Variants in ANKFN1 observed in about 807,000 individuals in gnomAD.
ANKFN1 encodes the protein ankyrin repeat and fibronectin type-III domain-containing protein 1.
ANKFN1 carries 74 observed loss-of-function variants against 108.7 expected under a neutral mutation model. That is an observed-to-expected ratio of 0.68 (90% confidence interval 0.56 to 0.83). The LOEUF is 0.83. Among genes scored for constraint, ANKFN1 ranks in the 40% least tolerant of loss-of-function variants. The probability of loss-of-function intolerance (pLI) is 0.00; values close to 1 mark genes in which losing one functional copy is unlikely to be tolerated. For synonymous variants in ANKFN1, 547 were observed against 516.2 expected (o/e 1.06, Z -0.81); for missense variants, 1,505 against 1,382.3 (o/e 1.09, Z -1.41).
At chr17:56,054,781 GA>G (rs1274927587) in intron 4 of ANKFN1, among the ~76,000 whole-genome samples, 1 of 152,142 alleles carries the variant, frequency 6.6e-6, no homozygotes, top group African/African-American at 2.4e-5. Flanking sequence ...GGCTACTCAG[GA>G]GGCTGAGGTG....
chr17:56,053,607 A>G (rs1360049707), intron 4 of ANKFN1, among the ~76,000 whole-genome samples: 2 of 152,348 alleles, frequency 1.3e-5, no homozygotes, highest in South Asian at 2.1e-4. Flanking sequence ...CAGAGCTGCA[A>G]AAAACATGGG....
Position 56,273,587 on chromosome 17 carries a change from A to G in ANKFN1, c.53+45630A>G, listed in dbSNP as rs181824607. Among the ~76,000 whole-genome samples, 365 of 152,324 alleles carry G rather than the reference A, an allele frequency of 2.4e-3. 1 individual carries two copies. The highest frequency in any genetic ancestry group is 8.2e-3 in the African/African-American group (342 of 41,572). On this transcript the variant is annotated intron_variant, in intron 3 of 20. Coordinates refer to ENST00000682825, the MANE Select transcript of ANKFN1 (RefSeq NM_001370326.1). ...CTTATTTTTATTCACATATGTAATTAGTGCATTTTTAAATGTTACTAACTG... is the reference window on the plus strand; with the variant it reads ...CTTATTTTTATTCACATATGTAATTGGTGCATTTTTAAATGTTACTAACTG...
intron 10 of ANKFN1, among the ~76,000 whole-genome samples, chr17:56,448,866 C>CA (rs1176845634): frequency 6.6e-6 from 1 of 152,164 alleles, no homozygotes; most frequent in African/African-American, 2.4e-5. Flanking sequence ...GACTGCCCGA[C>CA]ACAAGAAACC....
intron 4 of ANKFN1, among the ~76,000 whole-genome samples, chr17:56,121,262 A>G (rs1369617089): frequency 6.6e-6 from 1 of 151,316 alleles, no homozygotes; most frequent in African/African-American, 2.4e-5. Flanking sequence ...TCCTTTGCTC[A>G]TATAGTTTCA....
intron 8 of ANKFN1, among the ~76,000 whole-genome samples, chr17:56,415,952 G>A (rs533887465): frequency 7.9e-5 from 12 of 152,206 alleles, no homozygotes; most frequent in East Asian, 5.8e-4. Context: ...AGCCAAGAAC[G>A]TACATTGGAG....
At chr17:56,469,399 T>C (rs914162494) in intron 15 of ANKFN1, among the ~76,000 whole-genome samples, 2 of 152,096 alleles carry the variant, frequency 1.3e-5, no homozygotes, top group African/African-American at 4.8e-5. Context: ...AAGGGAGAGA[T>C]AGGTCTTGGT....
chr17:56,162,975 C>T (rs1252940009), intron 1 of ANKFN1, among the ~76,000 whole-genome samples: 1 of 150,026 alleles, frequency 6.7e-6, no homozygotes, highest in Non-Finnish European at 1.5e-5. Flanking sequence ...GCAGAGGTTG[C>T]AGTGAGCCGA....
At chr17:56,101,270 T>C (rs903711419) in intron 4 of ANKFN1, among the ~76,000 whole-genome samples, 16 of 152,190 alleles carry the variant, frequency 1.1e-4, no homozygotes, top group African/African-American at 3.9e-4. Context: ...AAGACAATTG[T>C]CTTCTTACAA....
intron 1 of ANKFN1, among the ~76,000 whole-genome samples, chr17:56,156,756 A>T (rs1909160167): frequency 2.0e-5 from 3 of 152,262 alleles, no homozygotes; most frequent in Admixed American, 6.5e-5. Context: ...GAGTTAGCAA[A>T]CTACAGCCCC....
intron 3 of ANKFN1, among the ~76,000 whole-genome samples, chr17:56,321,182 A>T (rs970556846): frequency 5.3e-5 from 8 of 152,008 alleles, no homozygotes; most frequent in Admixed American, 4.6e-4. Context: ...TTTCACATTC[A>T]TTACTAACAA....
Position 56,419,487 on chromosome 17 carries a change from A to T in ANKFN1, c.911-20840A>T, listed in dbSNP as rs564964093. 5.3e-5 allele frequency among the ~76,000 whole-genome samples: 8 copies of T among 150,860 alleles called. No homozygotes were observed. The South Asian group carries it at 1.7e-3, about 32-fold the overall frequency. On this transcript the variant is annotated intron_variant, in intron 8 of 20. Coordinates refer to ENST00000682825, the MANE Select transcript of ANKFN1 (RefSeq NM_001370326.1). ...AACAAGAGTGAAACTCCATCTCAAAAAAAAAAAAAAGAGATATAAATTTGG... is the reference window on the plus strand; with the variant it reads ...AACAAGAGTGAAACTCCATCTCAAATAAAAAAAAAAGAGATATAAATTTGG...
chr17:56,330,118 A>G (rs1196952205), intron 4 of ANKFN1, among the ~76,000 whole-genome samples: 1 of 152,198 alleles, frequency 6.6e-6, no homozygotes. Context: ...AGTGTTATAG[A>G]AGTGTATTAG....
At chr17:56,423,918 A>G (rs936910846) in intron 8 of ANKFN1, among the ~76,000 whole-genome samples, 3 of 152,234 alleles carry the variant, frequency 2.0e-5, no homozygotes, top group African/African-American at 7.2e-5. Context: ...AATGATGCTC[A>G]GGAATGTATT....
At chr17:56,412,586 A>G (rs1484906568) in intron 8 of ANKFN1, among the ~76,000 whole-genome samples, 3 of 152,198 alleles carry the variant, frequency 2.0e-5, no homozygotes. Context: ...TCTGGCCTTC[A>G]TATTTCTCCC....
chr17:56,103,819 G>A (rs907696216), intron 4 of ANKFN1, among the ~76,000 whole-genome samples: 3 of 152,218 alleles, frequency 2.0e-5, no homozygotes, highest in African/African-American at 7.2e-5. Flanking sequence ...CATCCAGGAA[G>A]CAGCAGTTCA....
chr17:56,406,659 G>T lies in ANKFN1; in HGVS notation c.910+31945G>T, dbSNP rs913540309. 5.3e-5 allele frequency among the ~76,000 whole-genome samples: 8 copies of T among 152,164 alleles called. No individual in the cohort carries two copies. The East Asian group carries it at 1.4e-3, about 26-fold the overall frequency. The stretch of plus-strand genomic sequence containing the variant: ...GAAAAATACACACATTATCCATTGC[G>T]ACTCCAGGATTAGGTCAGGTCAAAT... On this transcript the variant is annotated intron_variant, in intron 8 of 20. Transcript: ENST00000682825.
intron 5 of ANKFN1, among the ~76,000 whole-genome samples, chr17:56,351,889 A>T (rs188851855): frequency 6.6e-6 from 1 of 152,330 alleles, no homozygotes; most frequent in East Asian, 1.9e-4. Context: ...AATGAGTCCT[A>T]GCCTTTCCAG....
chr17:56,424,846 G>A (rs575609332), intron 8 of ANKFN1, among the ~76,000 whole-genome samples: 2 of 152,204 alleles, frequency 1.3e-5, no homozygotes, highest in Non-Finnish European at 2.9e-5. Context: ...GTTATTTAAG[G>A]ATGAAAGCAT....
At chr17:56,256,536 G>A (rs2144092772) in intron 3 of ANKFN1, among the ~76,000 whole-genome samples, 1 of 152,186 alleles carries the variant, frequency 6.6e-6, no homozygotes, top group South Asian at 2.1e-4. Flanking sequence ...GGAAGTGAGG[G>A]GGCAGAAAAT....
Sources: allele counts gnomAD v4.1 joint callset (sites outside exome capture counted in the v4.1 genomes callset), GRCh38; gene constraint gnomAD v4.1.1; transcripts MANE v1.5; gene names NCBI Gene and HGNC (gene_info 2026-07-23, HGNC 2026-07-21).